The following RAP1GAP2 variants were observed in gnomAD, a reference collection of about 807,000 sequenced individuals.
RAP1GAP2 encodes the protein rap1 GTPase-activating protein 2.
A neutral mutation model predicts 95.0 loss-of-function variants in RAP1GAP2; 27 were observed. The observed-to-expected ratio is 0.28, with a 90% CI of 0.21 to 0.39. The LOEUF is 0.39. RAP1GAP2 is among the 10% of genes least tolerant of loss of function. RAP1GAP2 has a pLI of 1.00. For synonymous variants in RAP1GAP2, 373 were observed against 380.9 expected (o/e 0.98, Z 0.24); for missense variants, 771 against 970.0 (o/e 0.79, Z 2.72).
intron 2 of RAP1GAP2, among the ~76,000 whole-genome samples, chr17:2,848,747 C>G (rs2071695422): frequency 6.6e-6 from 1 of 152,158 alleles, no homozygotes; most frequent in African/African-American, 2.4e-5. Context: ...CTCCTGGCCT[C>G]AAGTGATTCG....
At chr17:2,893,272 C>T (rs1431887794) in intron 2 of RAP1GAP2, among the ~76,000 whole-genome samples, 5 of 152,102 alleles carry the variant, frequency 3.3e-5, no homozygotes, top group Non-Finnish European at 7.4e-5. Context: ...AACTCCTGAC[C>T]TCAGGTGATC....
Position 2,870,368 on chromosome 17 carries a change from C to T in RAP1GAP2, c.81-34916C>T, listed in dbSNP as rs372423924. On this transcript the variant is annotated intron_variant, in intron 2 of 24. Transcript: ENST00000254695. This position sits in a 1 kb window ranked among gnomAD's most constrained non-coding sequence, Gnocchi z 4.4. ...TCTTGACCTCGTGATCTGCCTGCCT[C>T]GTCCTCCCAAAGTGCTGGGATTACA... Among the ~76,000 whole-genome samples, 84 of 152,182 alleles carry T rather than the reference C, an allele frequency of 5.5e-4. 1 individual carries two copies. Among genetic ancestry groups the T allele is most frequent in the African/African-American group, 1.9e-3 (78 of 41,512 alleles).
chr17:2,810,034 C>T (rs966710911), intron 2 of RAP1GAP2, among the ~76,000 whole-genome samples: 6 of 150,638 alleles, frequency 4.0e-5, no homozygotes, highest in African/African-American at 1.5e-4. Flanking sequence ...CTCCCCCCGC[C>T]CCACCCCAGG....
At chr17:2,774,834 T>TCCC (rs879902249), upstream of RAP1GAP2, among the ~76,000 whole-genome samples, 55 of 125,996 alleles carry the variant, frequency 4.4e-4, no homozygotes, top group Middle Eastern at 4.8e-3. Flanking sequence ...TTTTTTTTTT[T>TCCC]CCCCAAGATG....
intron 10 of RAP1GAP2, among the ~76,000 whole-genome samples, chr17:2,984,480 T>G (rs2045482925): frequency 6.6e-6 from 1 of 152,272 alleles, no homozygotes; most frequent in East Asian, 1.9e-4. Context: ...TCTTTGCATA[T>G]TGTATTAGGG....
chr17:2,908,741 G>A (rs975370320), intron 3 of RAP1GAP2, among the ~76,000 whole-genome samples: 1 of 152,010 alleles, frequency 6.6e-6, no homozygotes, highest in Non-Finnish European at 1.5e-5. Context: ...TAGGGACAGG[G>A]TCGTGCGCTG....
intron 2 of RAP1GAP2, among the ~76,000 whole-genome samples, chr17:2,843,496 A>G (rs1169762023): frequency 6.6e-6 from 1 of 151,986 alleles, no homozygotes; most frequent in Non-Finnish European, 1.5e-5. Context: ...CATGTTAGCC[A>G]GGCTGGTCTC....
chr17:2,783,004 A>T (rs2068693075), intron 1 of RAP1GAP2, among the ~76,000 whole-genome samples: 1 of 152,120 alleles, frequency 6.6e-6, no homozygotes, highest in African/African-American at 2.4e-5. Flanking sequence ...GTGACAGAGT[A>T]AGACTCCGTC....
intron 3 of RAP1GAP2, among the ~76,000 whole-genome samples, chr17:2,936,103 CTT>C (rs34892554): frequency 3.5e-4 from 50 of 143,756 alleles, no homozygotes; most frequent in African/African-American, 1.1e-3. Context: ...AGTTTTGCCT[CTT>C]TTTTTTTTTT....
chr17:3,023,482 A>C (rs1461882863), intron 19 of RAP1GAP2, among the ~76,000 whole-genome samples: 1 of 152,196 alleles, frequency 6.6e-6, no homozygotes, highest in African/African-American at 2.4e-5. Context: ...TGGTGGCACC[A>C]TGTTCTGAAG....
chr17:2,814,245 C>G (rs1020665588), intron 2 of RAP1GAP2, among the ~76,000 whole-genome samples: 7 of 152,186 alleles, frequency 4.6e-5, no homozygotes, highest in African/African-American at 1.4e-4. Flanking sequence ...CTTAACCTCT[C>G]TGTGCCTCTG....
chr17:3,032,138 GAA>G (rs2047337970), intron 23 of RAP1GAP2, among the ~76,000 whole-genome samples: 2 of 128,300 alleles, frequency 1.6e-5, no homozygotes, highest in African/African-American at 3.0e-5. Context: ...CCTGGGTCCC[GAA>G]TCCCTTCCTG....
intron 2 of RAP1GAP2, among the ~76,000 whole-genome samples, chr17:2,808,230 G>C (rs2069604763): frequency 6.6e-6 from 1 of 152,208 alleles, no homozygotes; most frequent in African/African-American, 2.4e-5. Context: ...CATGGGGCTG[G>C]AGGGAGTGGC....
At position 3,005,810 on chromosome 17, in the gene RAP1GAP2, C is replaced by T; in HGVS notation, c.1273-145C>T. ...TTGGGATATTTGCAAGTGGGCTTGG[C>T]CTGGGCTAGAAATGATCCGCTGTCG... On this transcript the variant is annotated intron_variant, in intron 15 of 24. Coordinates refer to ENST00000254695, the MANE Select transcript of RAP1GAP2 (RefSeq NM_015085.5). This position sits in a 1 kb window ranked among gnomAD's most constrained non-coding sequence, Gnocchi z 5.2. The T allele has an allele frequency of 1.3e-6, 1 of 778,338 alleles. No homozygotes were observed. The highest frequency in any genetic ancestry group is 1.6e-5 in the South Asian group (1 of 64,320). The allele number at this position is 778,338 out of a possible 1,614,324, so 48.2% of individuals were successfully genotyped here.
chr17:3,007,993 C>T lies in RAP1GAP2; in HGVS notation c.1360-18C>T, dbSNP rs753213497. The T allele has an allele frequency of 1.6e-5, 25 of 1,612,226 alleles. No individual in the cohort carries two copies. Among genetic ancestry groups the T allele is most frequent in the Non-Finnish European group, 2.1e-5 (25 of 1,178,810 alleles). On this transcript the variant is annotated intron_variant, in intron 16 of 24. Coordinates refer to ENST00000254695, the MANE Select transcript of RAP1GAP2 (RefSeq NM_015085.5). The stretch of plus-strand genomic sequence containing the variant: ...CTCTCAGAGCCAGCTTCTCCATCCC[C>T]ACCCTCTTCCCTTCTAGGACCGGAC...
At position 3,027,321 on chromosome 17, in the gene RAP1GAP2, G is replaced by C. The variant is rs115934937; in HGVS notation, c.2107+251G>C. Among the ~76,000 whole-genome samples the C allele has an allele frequency of 0.033, 5,077 of 152,326 alleles. 281 individuals carry two copies. The highest frequency in any genetic ancestry group is 0.12 in the African/African-American group (4,800 of 41,560). On this transcript the variant is annotated intron_variant, in intron 22 of 24. Transcript: ENST00000254695. This position sits in a 1 kb window ranked among gnomAD's most constrained non-coding sequence, Gnocchi z 5.2. ...AAGGCCTTGTGGGAGATCCCACAGC[G>C]GAGGAGTCGGGATTGGCAGTGGGAA... is the stretch of plus-strand genomic sequence containing the variant.
chr17:2,845,820 CACT>C (rs1597424520), intron 2 of RAP1GAP2, among the ~76,000 whole-genome samples: 1 of 151,522 alleles, frequency 6.6e-6, no homozygotes, highest in East Asian at 1.9e-4. Flanking sequence ...GAGGTCGCAC[CACT>C]ACACTCTAAC....
chr17:3,037,494 T>G lies in RAP1GAP2; in HGVS notation c.*4133T>G, dbSNP rs1328897197. On this transcript the variant is annotated 3_prime_UTR_variant, in exon 25 of 25. Coordinates refer to ENST00000254695, the MANE Select transcript of RAP1GAP2 (RefSeq NM_015085.5). ...GCAGATTCCCCTGTGTGGTCGAACC[T>G]AAGAACTGTGGCTTGGAAGTGATGC... 2 of 151,886 alleles carry G rather than the reference T, an allele frequency of 1.3e-5. No individual in the cohort carries two copies. Among genetic ancestry groups the G allele is most frequent in the Non-Finnish European group, 2.9e-5 (2 of 67,904 alleles). The allele number at this position is 151,886 out of a possible 1,614,324, so 9.4% of individuals were successfully genotyped here. A position where few individuals can be genotyped will look rare whatever the true frequency, so the allele number is the denominator to read the frequency against.
chr17:3,026,250 G>T, intron 20 of RAP1GAP2, 100 bp from the exon 21 acceptor site: 1 of 1,313,394 alleles, frequency 7.6e-7, no homozygotes, highest in African/African-American at 1.5e-5. Context: ...AAGGCCGACG[G>T]GTGGGGGCGT....
Sources: gnomAD v4.1 joint callset for allele counts (sites outside exome capture counted in the v4.1 genomes callset) on GRCh38, gnomAD v4.1.1 for gene constraint, Gnocchi (gnomAD v3.1) non-coding constraint, MANE v1.5 for transcripts, NCBI Gene and HGNC (gene_info 2026-07-23, HGNC 2026-07-21) for gene names.